Variants in DNAH11 observed in about 807,000 individuals in gnomAD.
DNAH11 encodes axonemal beta dynein heavy chain 11.
A neutral mutation model predicts 526.0 loss-of-function variants in DNAH11; 442 were observed. The ratio of observed to expected loss-of-function variants is 0.84; its 90% CI spans 0.78 to 0.91. DNAH11 has a LOEUF of 0.91. DNAH11 is among the 40% of genes least tolerant of loss of function. DNAH11 has a pLI of 0.00. For missense variants in DNAH11, 6,989 were observed against 5,448.7 expected (o/e 1.28, Z -8.90); for synonymous variants, 2,461 against 1,935.9 (o/e 1.27, Z -7.12).
At chr7:21,556,734 A>T (rs1052068167) in intron 2 of DNAH11, among the ~76,000 whole-genome samples, 5 of 152,094 alleles carry the variant, frequency 3.3e-5, no homozygotes, top group African/African-American at 1.2e-4. Context: ...GCCCATGTGT[A>T]CTCAATGTTT....
chr7:21,628,242 G>A (rs1446058184), intron 25 of DNAH11, among the ~76,000 whole-genome samples: 1 of 151,928 alleles, frequency 6.6e-6, no homozygotes, highest in East Asian at 1.9e-4. Context: ...TGAGAACAAG[G>A]CTAATTTGAC....
chr7:21,870,461 C>A (rs980847782), intron 73 of DNAH11, among the ~76,000 whole-genome samples: 6 of 152,144 alleles, frequency 3.9e-5, no homozygotes, highest in Non-Finnish European at 8.8e-5. Context: ...AGTGCATCCC[C>A]TTCTGAGGCT....
chr7:21,866,213 C>T (rs79441407), intron 70 of DNAH11, among the ~76,000 whole-genome samples: 1 of 151,724 alleles, frequency 6.6e-6, no homozygotes, highest in Non-Finnish European at 1.5e-5. Context: ...TCTCTCTTCT[C>T]CAGTCTTCCA....
intron 57 of DNAH11, among the ~76,000 whole-genome samples, chr7:21,784,143 A>T (rs114655487): frequency 6.6e-6 from 1 of 152,220 alleles, no homozygotes; most frequent in Non-Finnish European, 1.5e-5. Flanking sequence ...TGCTTTTACT[A>T]TTAGTGGTAC....
chr7:21,731,555 T>C (rs571273926), intron 45 of DNAH11, among the ~76,000 whole-genome samples: 16 of 152,330 alleles, frequency 1.1e-4, no homozygotes, highest in Admixed American at 5.2e-4. Context: ...ATAATCTCTA[T>C]TTTCTGAAAC....
At chr7:21,851,414 C>A (rs955373487) in intron 66 of DNAH11, 2 of 338,840 alleles carry the variant, frequency 5.9e-6, no homozygotes, top group South Asian at 5.2e-5. Context: ...AGTCCTTTAT[C>A]GCACCTTGAG....
Position 21,687,435 on chromosome 7 carries a change from T to C in DNAH11, c.5832T>C (p.Phe1944=). The C allele has an allele frequency of 6.2e-7, 1 of 1,614,016 alleles. No individual in the cohort carries two copies. The highest frequency in any genetic ancestry group is 2.2e-5 in the East Asian group (1 of 44,884). ...TGCAGACAGGAGCTTGGGGCTGCTT[T>C]GATGAGTTCAACCGAATCTCTGTGG... The part of the protein sequence containing the change: ...GLVQTGAWGC[F]DEFNRISVEV... The change falls in exon 34 of 82, where the codon TTT becomes TTC. Residue 1944 remains phenylalanine, a synonymous_variant. Transcript: ENST00000409508.
intron 25 of DNAH11, among the ~76,000 whole-genome samples, chr7:21,631,943 T>C (rs1028605871): frequency 6.6e-6 from 1 of 152,230 alleles, no homozygotes; most frequent in Non-Finnish European, 1.5e-5. Context: ...GCAGAGGTTC[T>C]CCATGAGGAC....
chr7:21,875,760 G>A (rs1431491450), intron 74 of DNAH11, among the ~76,000 whole-genome samples: 2 of 151,496 alleles, frequency 1.3e-5, no homozygotes, highest in African/African-American at 4.9e-5. Context: ...AAGAACACCT[G>A]TTCTGGTCTT....
At chr7:21,727,378 C>A (rs2906667) in intron 45 of DNAH11, among the ~76,000 whole-genome samples, 2 of 152,058 alleles carry the variant, frequency 1.3e-5, no homozygotes, top group Non-Finnish European at 2.9e-5. Flanking sequence ...TCTGAACTTA[C>A]TGTAAACTTC....
rs1783898322 is a variant in DNAH11, at chr7:21,880,829, T to G, written c.12323T>G (p.Phe4108Cys). The G allele has an allele frequency of 6.2e-7, 1 of 1,613,886 alleles. No individual in the cohort carries two copies. Among genetic ancestry groups the G allele is most frequent in the Admixed American group, 1.7e-5 (1 of 60,012 alleles). The change falls in exon 75 of 82, where the codon TTT becomes TGT. Residue 4108 changes from phenylalanine (F) to cysteine (C), a missense_variant. Physicochemically the swap from Phe to Cys is radical, Grantham distance 205 (BLOSUM62 -2). Coordinates refer to ENST00000409508, the MANE Select transcript of DNAH11 (RefSeq NM_001277115.2). ...GPQGWSRSYPFNPGDLTICAS... is the reference protein window; with the variant it reads ...GPQGWSRSYPCNPGDLTICAS... ...CAGGGCTGGAGCCGAAGCTATCCTT[T>G]TAATCCTGGAGACCTCACCATTTGT...
chr7:21,780,317 G>C (rs115021208), intron 57 of DNAH11, among the ~76,000 whole-genome samples: 1,883 of 152,242 alleles, frequency 0.012, 43 homozygotes, highest in African/African-American at 0.042. Flanking sequence ...GGCAGAGGCA[G>C]GAGGATAGCT....
chr7:21,664,865 C>G (rs948235927), intron 30 of DNAH11, among the ~76,000 whole-genome samples: 3 of 152,080 alleles, frequency 2.0e-5, no homozygotes, highest in South Asian at 4.1e-4. Context: ...ACATCTCAGT[C>G]CCAACTTTCT....
intron 25 of DNAH11, among the ~76,000 whole-genome samples, chr7:21,630,886 A>G (rs1786571220): frequency 6.6e-6 from 1 of 152,128 alleles, no homozygotes; most frequent in South Asian, 2.1e-4. Flanking sequence ...AAAGTTTTTA[A>G]TATTATTTAT....
At position 21,638,967 on chromosome 7, in the gene DNAH11, G is replaced by C. The variant is rs778556518; in HGVS notation, c.4846G>C (p.Glu1616Gln). ...RLSLCEKALAEYLETKRIAFP... is the reference protein window; with the variant it reads ...RLSLCEKALAQYLETKRIAFP... The stretch of plus-strand genomic sequence containing the variant: ...TTCTCTTTGTGAAAAAGCTCTCGCT[G>C]AATACCTGGAAACCAAGCGCATAGC... Residue 1616 changes from glutamate (E) to glutamine (Q), a missense_variant, in exon 28 of 82, where the codon GAA becomes CAA. Transcript: ENST00000409508. 3.1e-6 allele frequency: 5 copies of C among 1,611,892 alleles called. No individual in the cohort carries two copies. The South Asian group carries it at 3.3e-5, about 11-fold the overall frequency.
Position 21,720,698 on chromosome 7 carries a change from C to G in DNAH11, c.7135-27C>G, listed in dbSNP as rs756785435. Reference sequence around the variant, plus strand: ...CTTCACTATTTTAAAAAAATGTTGCCTTATTTGACTATTTCTTTTTCTTTA... The same window carrying G: ...CTTCACTATTTTAAAAAAATGTTGCGTTATTTGACTATTTCTTTTTCTTTA... On this transcript the variant is annotated intron_variant, in intron 43 of 81. Transcript: ENST00000409508. The G allele has an allele frequency of 2.6e-6, 4 of 1,530,284 alleles. No individual in the cohort carries two copies. In the South Asian group the frequency reaches 5.1e-5, roughly 19 times the overall value. 94.8% of individuals were successfully genotyped at this position (1,530,284 alleles called of 1,614,324 possible).
chr7:21,711,665 TG>T (rs1310573621), intron 41 of DNAH11, 46 bp from the exon 42 acceptor site: 1 of 1,587,612 alleles, frequency 6.3e-7, no homozygotes, highest in Admixed American at 1.7e-5. Flanking sequence ...TCTGGATGTT[TG>T]CGGCATTGCT....
chr7:21,640,503 G>A (rs776856504), intron 28 of DNAH11, among the ~76,000 whole-genome samples: 1 of 143,582 alleles, frequency 7.0e-6, no homozygotes, highest in Non-Finnish European at 1.5e-5. Flanking sequence ...GAGTAGGTAA[G>A]CATTCTTTTT....
chr7:21,571,681 A>T (rs1783896503), intron 7 of DNAH11, 125 bp from the exon 8 acceptor site: 2 of 526,062 alleles, frequency 3.8e-6, no homozygotes, highest in African/African-American at 3.9e-5. Flanking sequence ...GAAAATATTT[A>T]TTTTCTGTCA....
Sources: allele counts gnomAD v4.1 joint callset (sites outside exome capture counted in the v4.1 genomes callset), GRCh38; gene constraint gnomAD v4.1.1; transcripts MANE v1.5; gene names NCBI Gene and HGNC (gene_info 2026-07-23, HGNC 2026-07-21).